GREB1L: variants seen among roughly 807,000 people sequenced by gnomAD.
GREB1L encodes the protein GREB1-like protein.
A neutral mutation model predicts 200.8 loss-of-function variants in GREB1L; 17 were observed. That is an observed-to-expected ratio of 0.08 (90% CI 0.06 to 0.13). The LOEUF (loss-of-function observed/expected upper bound fraction) is 0.13. Ranked by LOEUF, GREB1L falls within the 10% of genes least tolerant of loss-of-function variation. GREB1L has a pLI of 1.00. For synonymous variants in GREB1L, 789 were observed against 893.0 expected (o/e 0.88, Z 2.08); for missense variants, 1,657 against 2,367.7 (o/e 0.70, Z 6.23).
intron 1 of GREB1L, among the ~76,000 whole-genome samples, chr18:21,361,220 G>A (rs1258393619): frequency 1.3e-5 from 2 of 152,206 alleles, no homozygotes; most frequent in African/African-American, 2.4e-5. Context: ...ACGTATGTGA[G>A]AAGAGAGAGG....
intron 23 of GREB1L, among the ~76,000 whole-genome samples, chr18:21,502,366 C>T (rs11872778): frequency 0.99 from 150,732 of 152,220 alleles, 74,644 homozygotes; most frequent in East Asian, 1. Flanking sequence ...GGCAACCAGG[C>T]GGAAGTTCCT....
At chr18:21,293,875 G>T (rs1204460242) in intron 1 of GREB1L, among the ~76,000 whole-genome samples, 1 of 152,168 alleles carries the variant, frequency 6.6e-6, no homozygotes, top group African/African-American at 2.4e-5. Flanking sequence ...TGTCTCCCGG[G>T]TTCGAGTGAT....
At chr18:21,456,805 A>G (rs902097098) in intron 15 of GREB1L, among the ~76,000 whole-genome samples, 7 of 152,102 alleles carry the variant, frequency 4.6e-5, no homozygotes, top group Admixed American at 1.3e-4. Context: ...TTCTTTCTGC[A>G]TTTATTTTTC....
At chr18:21,492,352 AAAAG>A (rs1293579693) in intron 19 of GREB1L, among the ~76,000 whole-genome samples, 1 of 152,082 alleles carries the variant, frequency 6.6e-6, no homozygotes, top group East Asian at 1.9e-4. Context: ...TCTCAAAAAA[AAAAG>A]AAAGAAAAAG....
chr18:21,427,710 C>G (rs538185564), intron 7 of GREB1L, among the ~76,000 whole-genome samples: 1 of 152,224 alleles, frequency 6.6e-6, no homozygotes, highest in African/African-American at 2.4e-5. Context: ...GTCCTGAAGC[C>G]TTGGTGAACT....
At chr18:21,352,540 TCCCATG>T (rs1325235574) in intron 1 of GREB1L, among the ~76,000 whole-genome samples, 2 of 151,738 alleles carry the variant, frequency 1.3e-5, no homozygotes, top group Non-Finnish European at 2.9e-5. Context: ...TTCAAGCAAT[TCCCATG>T]CCTCAGCCAC....
At chr18:21,254,724 C>A (rs1398411518) in intron 1 of GREB1L, among the ~76,000 whole-genome samples, 3 of 152,140 alleles carry the variant, frequency 2.0e-5, no homozygotes. Context: ...GGTCATTCTC[C>A]GCCATCCTCA....
chr18:21,508,186 T>C lies in GREB1L; in HGVS notation c.4437T>C (p.Tyr1479=). Residue 1479 remains tyrosine, a synonymous_variant, in exon 26 of 33, where the codon TAT becomes TAC. Transcript: ENST00000424526. ...TGCTGGGAGAAGAGGTTCAGCTCTATTTCATCATTCCCAAATCCAAAGAGA... is the reference window on the plus strand; with the variant it reads ...TGCTGGGAGAAGAGGTTCAGCTCTACTTCATCATTCCCAAATCCAAAGAGA... ...SSMLGEEVQL[Y]FIIPKSKESH... The C allele has an allele frequency of 6.4e-7, 1 of 1,551,678 alleles. No homozygotes were observed. Among genetic ancestry groups the C allele is most frequent in the Non-Finnish European group, 8.7e-7 (1 of 1,146,978 alleles).
chr18:21,370,109 C>T (rs1004017167), intron 2 of GREB1L, among the ~76,000 whole-genome samples: 3 of 152,042 alleles, frequency 2.0e-5, no homozygotes, highest in Admixed American at 6.6e-5. Context: ...AAATAAAGCA[C>T]TTCTGTTTTG....
At chr18:21,500,769 TA>T in intron 23 of GREB1L, 127 bp downstream of exon 23, 2 of 673,672 alleles carry the variant, frequency 3.0e-6, no homozygotes, top group Non-Finnish European at 4.8e-6. Context: ...ATTGGGAGGC[TA>T]AAGATAATGT....
chr18:21,316,227 G>A (rs1227036266), intron 1 of GREB1L, among the ~76,000 whole-genome samples: 3 of 151,996 alleles, frequency 2.0e-5, no homozygotes, highest in African/African-American at 7.2e-5. Flanking sequence ...TTTATTTTTT[G>A]TTTATTGTTT....
At chr18:21,484,852 AC>A (rs1043491181) in intron 17 of GREB1L, among the ~76,000 whole-genome samples, 3 of 152,148 alleles carry the variant, frequency 2.0e-5, no homozygotes, top group African/African-American at 7.2e-5. Flanking sequence ...CAAAAGTGAG[AC>A]CAAATGGCAC....
At chr18:21,470,388 T>C (rs1489377496) in intron 15 of GREB1L, among the ~76,000 whole-genome samples, 7 of 152,206 alleles carry the variant, frequency 4.6e-5, no homozygotes, top group African/African-American at 7.2e-5. Flanking sequence ...ATAGCTCTAT[T>C]TAGATCATTT....
chr18:21,496,181 C>T (rs2145903371), intron 20 of GREB1L, among the ~76,000 whole-genome samples: 1 of 152,262 alleles, frequency 6.6e-6, no homozygotes, highest in East Asian at 1.9e-4. Context: ...GCGTGTCAGG[C>T]AGTGCCCTAA....
At chr18:21,485,586 C>T in intron 17 of GREB1L, 34 bp from the exon 18 acceptor site, 2 of 1,545,218 alleles carry the variant, frequency 1.3e-6, no homozygotes, top group East Asian at 2.5e-5. Context: ...TGTATCCTGT[C>T]CTCATTGGGT....
At position 21,490,180 on chromosome 18, in the gene GREB1L, G is replaced by C. The variant is rs775911796; in HGVS notation, c.2859G>C (p.Gly953=). 3 of 1,551,626 alleles carry C rather than the reference G, an allele frequency of 1.9e-6. No individual in the cohort carries two copies. In the South Asian group the frequency reaches 3.6e-5, roughly 18 times the overall value. ...GCTCCCCAGGCAAAAACAAAAGTGG[G>C]AGGGGACACATGCTCATTATCAGGG... The part of the protein sequence containing the change: ...LISSPGKNKS[G]RGHMLIIRVP... Residue 953 remains glycine, a synonymous_variant, in exon 19 of 33, where the codon GGG becomes GGC. Coordinates refer to ENST00000424526, the MANE Select transcript of GREB1L (RefSeq NM_001142966.3).
At chr18:21,480,973 T>C (rs755066757) in intron 17 of GREB1L, among the ~76,000 whole-genome samples, 1 of 151,716 alleles carries the variant, frequency 6.6e-6, no homozygotes, top group Non-Finnish European at 1.5e-5. Context: ...AGAGCCGAGA[T>C]AGCACCACTG....
At chr18:21,301,448 A>G (rs932010813) in intron 1 of GREB1L, among the ~76,000 whole-genome samples, 5 of 152,194 alleles carry the variant, frequency 3.3e-5, no homozygotes, top group Admixed American at 2.0e-4. Context: ...TACCCCTTTT[A>G]GCAAATGATA....
intron 15 of GREB1L, among the ~76,000 whole-genome samples, chr18:21,470,993 T>C (rs2035461246): frequency 6.6e-6 from 1 of 152,244 alleles, no homozygotes; most frequent in Non-Finnish European, 1.5e-5. Flanking sequence ...AGCTCTGATG[T>C]GCCTGCTGAG....
Sources: allele counts gnomAD v4.1 joint callset (sites outside exome capture counted in the v4.1 genomes callset), GRCh38; gene constraint gnomAD v4.1.1; transcripts MANE v1.5; gene names NCBI Gene and HGNC (gene_info 2026-07-23, HGNC 2026-07-21).